The following CMIP variants were observed in gnomAD, a reference collection of about 807,000 sequenced individuals.
The protein encoded by CMIP is C-Maf-inducing protein.
CMIP carries 13 observed loss-of-function variants against 97.3 expected under a neutral mutation model. The observed-to-expected ratio is 0.13, with a 90% CI of 0.09 to 0.21. The LOEUF is 0.21. Ranked by LOEUF, CMIP falls within the 10% of genes least tolerant of loss-of-function variation. The pLI is 1.00. For missense variants in CMIP, 847 were observed against 1,024.9 expected, an observed-to-expected ratio of 0.83 and a Z score of 2.37; for synonymous variants, 538 against 436.3, an observed-to-expected ratio of 1.23 and a Z score of -2.91.
intron 10 of CMIP, among the ~76,000 whole-genome samples, chr16:81,687,046 G>T (rs1383073335): frequency 6.6e-6 from 1 of 152,212 alleles, no homozygotes; most frequent in African/African-American, 2.4e-5. Context: ...AGCCAGGATC[G>T]AAGTCAGCAT....
intron 17 of CMIP, among the ~76,000 whole-genome samples, chr16:81,703,157 C>T (rs976969027): frequency 6.6e-6 from 1 of 152,132 alleles, no homozygotes; most frequent in Non-Finnish European, 1.5e-5. Flanking sequence ...GTCTCCATTC[C>T]AGCCAGCAGG....
intron 1 of CMIP, chr16:81,520,569 G>GGGGAGAGAAAGAGAGAGAGAGAGAGA (rs370420453): frequency 9.4e-6 from 1 of 106,950 alleles, no homozygotes; most frequent in African/African-American, 4.4e-5. Context: ...GGAGGAAGGG[G>GGGGAGAGAAAGAGAGAGAGAGAGAGA]GAGAGAGAGA....
At chr16:81,502,008 CAT>C (rs1158795716) in intron 1 of CMIP, among the ~76,000 whole-genome samples, 1 of 152,202 alleles carries the variant, frequency 6.6e-6, no homozygotes, top group Non-Finnish European at 1.5e-5. Context: ...TCAGTCAACA[CAT>C]GAGTGGTGCC....
At position 81,493,700 on chromosome 16, in the gene CMIP, G is replaced by A. The variant is rs146814148; in HGVS notation, c.300+48159G>A. Among the ~76,000 whole-genome samples the A allele has an allele frequency of 4.8e-3, 724 of 152,330 alleles. 4 individuals are homozygous for A. Among genetic ancestry groups the A allele is most frequent in the African/African-American group, 0.017 (691 of 41,560 alleles). ...ATAAACACCAACAGTAATAACAATG[G>A]CAGCAACAAACTGCCGAATATGAGG... is the stretch of plus-strand genomic sequence containing the variant. On this transcript the variant is annotated intron_variant, in intron 1 of 20. Transcript: ENST00000537098.
chr16:81,526,640 A>T (rs1318027140), intron 1 of CMIP, among the ~76,000 whole-genome samples: 4 of 152,164 alleles, frequency 2.6e-5, no homozygotes, highest in Admixed American at 2.6e-4. Flanking sequence ...TATTTATTTT[A>T]TACTTTTAAG....
chr16:81,551,261 TCA>T (rs934674285), intron 1 of CMIP, among the ~76,000 whole-genome samples: 10 of 152,088 alleles, frequency 6.6e-5, no homozygotes, highest in African/African-American at 2.2e-4. Context: ...CCCAGTTCCA[TCA>T]CACACACCCA....
intron 1 of CMIP, among the ~76,000 whole-genome samples, chr16:81,487,167 C>T (rs1192704445): frequency 3.5e-5 from 5 of 144,780 alleles, no homozygotes; most frequent in Non-Finnish European, 6.1e-5. Flanking sequence ...TCTAGTGAAC[C>T]GGGGGGGGTG....
At chr16:81,488,423 T>A (rs986822880) in intron 1 of CMIP, among the ~76,000 whole-genome samples, 2 of 152,188 alleles carry the variant, frequency 1.3e-5, no homozygotes, top group East Asian at 3.8e-4. Context: ...GAGTAATACG[T>A]ATGAAGTGCT....
At chr16:81,485,540 G>C (rs1180947242) in intron 1 of CMIP, among the ~76,000 whole-genome samples, 1 of 152,174 alleles carries the variant, frequency 6.6e-6, no homozygotes, top group Non-Finnish European at 1.5e-5. Flanking sequence ...ATTCCCATTC[G>C]GAAGACTGGA....
chr16:81,502,908 A>G (rs2089638993), intron 1 of CMIP, among the ~76,000 whole-genome samples: 2 of 152,332 alleles, frequency 1.3e-5, no homozygotes, highest in Middle Eastern at 6.8e-3. Flanking sequence ...TGTCCCTGCA[A>G]TGCCGGGTAA....
intron 10 of CMIP, among the ~76,000 whole-genome samples, chr16:81,686,591 C>G (rs1287336815): frequency 6.6e-6 from 1 of 152,192 alleles, no homozygotes; most frequent in African/African-American, 2.4e-5. Context: ...AGGCAACAGG[C>G]TTTCCTGGTC....
At chr16:81,552,237 C>T (rs760497399) in intron 1 of CMIP, among the ~76,000 whole-genome samples, 3 of 152,170 alleles carry the variant, frequency 2.0e-5, no homozygotes, top group Non-Finnish European at 4.4e-5. Flanking sequence ...GTCTGCCTGT[C>T]TCTGACGTCG....
chr16:81,607,544 T>C, intron 1 of CMIP, 23 bp from the exon 2 acceptor site: 7 of 1,612,456 alleles, frequency 4.3e-6, no homozygotes, highest in Non-Finnish European at 5.9e-6. Context: ...TGCATATCTC[T>C]TCTTTTTCTT....
At chr16:81,602,719 C>G (rs1407061704) in intron 1 of CMIP, among the ~76,000 whole-genome samples, 1 of 152,190 alleles carries the variant, frequency 6.6e-6, no homozygotes, top group African/African-American at 2.4e-5. Context: ...AATTTTTCGT[C>G]TGCTTATTGT....
At chr16:81,516,993 G>A (rs998402332) in intron 1 of CMIP, among the ~76,000 whole-genome samples, 7 of 151,298 alleles carry the variant, frequency 4.6e-5, no homozygotes, top group African/African-American at 9.7e-5. Flanking sequence ...GGCCTCCAAG[G>A]TCATCAGTGA....
At position 81,693,122 on chromosome 16, in the gene CMIP, T is replaced by C. The variant is rs971059022; in HGVS notation, c.1455-36T>C. The C allele has an allele frequency of 3.1e-6, 5 of 1,594,942 alleles. No homozygotes were observed. In the South Asian group the frequency reaches 3.3e-5, roughly 11 times the overall value. ...AACATTGTGCTGTTTCCGACGCTTC[T>C]GTTAACCGCCGTGTTTTCCCCTGTT... On this transcript the variant is annotated intron_variant, in intron 11 of 20. Coordinates refer to ENST00000537098, the MANE Select transcript of CMIP (RefSeq NM_198390.3).
intron 1 of CMIP, among the ~76,000 whole-genome samples, chr16:81,527,222 C>A (rs940699515): frequency 1.3e-5 from 2 of 152,202 alleles, no homozygotes; most frequent in Admixed American, 6.5e-5. Context: ...TGCAGACACA[C>A]CCTGGCTTGG....
At chr16:81,504,159 C>T (rs2089662067) in intron 1 of CMIP, among the ~76,000 whole-genome samples, 1 of 152,060 alleles carries the variant, frequency 6.6e-6, no homozygotes, top group Admixed American at 6.5e-5. Flanking sequence ...AACCCCCTCT[C>T]TACTAAAAAT....
At chr16:81,537,883 C>T (rs1484487254) in intron 1 of CMIP, among the ~76,000 whole-genome samples, 3 of 151,984 alleles carry the variant, frequency 2.0e-5, no homozygotes, top group Non-Finnish European at 1.5e-5. Flanking sequence ...GGGCAAGGGT[C>T]AGCTGAAGGT....
Sources: gnomAD v4.1 joint callset for allele counts (sites outside exome capture counted in the v4.1 genomes callset) on GRCh38, gnomAD v4.1.1 for gene constraint, MANE v1.5 for transcripts, NCBI Gene and HGNC (gene_info 2026-07-23, HGNC 2026-07-21) for gene names.